CACNA2D3: variants seen among roughly 807,000 people sequenced by gnomAD.
The protein encoded by CACNA2D3 is calcium voltage-gated channel auxiliary subunit alpha2delta 3.
Under a neutral mutation model 160.6 loss-of-function variants are expected in CACNA2D3, and 60 were observed. The observed-to-expected ratio is 0.37, with a 90% CI of 0.30 to 0.46. The LOEUF (loss-of-function observed/expected upper bound fraction) is 0.46, where lower values mean the gene tolerates loss of function less well. CACNA2D3 is among the 20% of genes least tolerant of loss of function. The pLI is 1.00. For missense variants in CACNA2D3, 1,205 were observed against 1,365.0 expected, an observed-to-expected ratio of 0.88 and a Z score of 1.85; for synonymous variants, 558 against 492.9, an observed-to-expected ratio of 1.13 and a Z score of -1.75.
intron 20 of CACNA2D3, among the ~76,000 whole-genome samples, chr3:54,879,796 T>C (rs995345114): frequency 2.6e-5 from 4 of 152,214 alleles, no homozygotes; most frequent in African/African-American, 9.6e-5. Flanking sequence ...AACCTGGAGG[T>C]GGCATATCCA....
At chr3:54,467,387 A>G (rs1293445313) in intron 4 of CACNA2D3, among the ~76,000 whole-genome samples, 2 of 152,228 alleles carry the variant, frequency 1.3e-5, no homozygotes, top group Non-Finnish European at 2.9e-5. Context: ...TGGAAAGGAC[A>G]CAGTAAAAGA....
intron 5 of CACNA2D3, among the ~76,000 whole-genome samples, chr3:54,520,262 C>T (rs1701624881): frequency 6.6e-6 from 1 of 152,216 alleles, no homozygotes; most frequent in African/African-American, 2.4e-5. Flanking sequence ...GTCAGAAGTA[C>T]TGGACCAGCA....
intron 9 of CACNA2D3, among the ~76,000 whole-genome samples, chr3:54,591,482 A>G (rs77795587): frequency 1.3e-5 from 2 of 151,444 alleles, no homozygotes; most frequent in East Asian, 2.0e-4. Flanking sequence ...GCCAGTGCCT[A>G]TGAGATAGAT....
At position 54,993,648 on chromosome 3, in the gene CACNA2D3, G is replaced by C. The variant is rs544962649; in HGVS notation, c.2690+5895G>C. 7.9e-5 allele frequency among the ~76,000 whole-genome samples: 12 copies of C among 152,156 alleles called. No homozygotes were observed. In the South Asian group the frequency reaches 2.5e-3, roughly 32 times the overall value. ...ATCCAGAACTTGAGGGTTTGCCCTGGGTTTTTTGCTTTTACCAACATACTT... is the reference window on the plus strand; with the variant it reads ...ATCCAGAACTTGAGGGTTTGCCCTGCGTTTTTTGCTTTTACCAACATACTT... On this transcript the variant is annotated intron_variant, in intron 31 of 37. Transcript: ENST00000474759.
Position 54,569,999 on chromosome 3 carries a change from T to C in CACNA2D3, c.783T>C (p.Val261=). 6.2e-7 allele frequency: 1 copy of C among 1,614,012 alleles called. No homozygotes were observed. The highest frequency in any genetic ancestry group is 8.5e-7 in the Non-Finnish European group (1 of 1,179,886). ...ATSPKDVVIL[V]DVSGSMKGLR... is the part of the protein sequence containing the mutation. ...CTCCGAAAGACGTGGTCATTTTAGTTGACGTCAGTGGCAGCATGAAAGGAC... is the reference window on the plus strand; with the variant it reads ...CTCCGAAAGACGTGGTCATTTTAGTCGACGTCAGTGGCAGCATGAAAGGAC... The change falls in exon 8 of 38, where the codon GTT becomes GTC. Residue 261 remains valine (V), a synonymous_variant. Coordinates refer to ENST00000474759, the MANE Select transcript of CACNA2D3 (RefSeq NM_018398.3).
At chr3:54,327,083 T>A (rs964325469) in intron 3 of CACNA2D3, among the ~76,000 whole-genome samples, 2 of 152,200 alleles carry the variant, frequency 1.3e-5, no homozygotes, top group African/African-American at 4.8e-5. Flanking sequence ...CAGTGAACCA[T>A]CTTTGGTTAA....
At chr3:54,788,209 GA>G (rs1702678274) in intron 13 of CACNA2D3, among the ~76,000 whole-genome samples, 1 of 152,196 alleles carries the variant, frequency 6.6e-6, no homozygotes, top group African/African-American at 2.4e-5. Flanking sequence ...ATAAGGGTTT[GA>G]AAACCTTTTA....
At chr3:55,014,775 A>G (rs1291244577) in intron 34 of CACNA2D3, among the ~76,000 whole-genome samples, 1 of 152,166 alleles carries the variant, frequency 6.6e-6, no homozygotes, top group Non-Finnish European at 1.5e-5. Flanking sequence ...GTAGATTGCA[A>G]GCAGCCTCAG....
intron 35 of CACNA2D3, among the ~76,000 whole-genome samples, chr3:55,053,525 A>G (rs2107209869): frequency 6.6e-6 from 1 of 152,008 alleles, no homozygotes. Context: ...CTGTTGTCAG[A>G]TTTCTCTCTA....
At chr3:54,881,834 C>T (rs186295092) in intron 21 of CACNA2D3, among the ~76,000 whole-genome samples, 93 of 152,338 alleles carry the variant, frequency 6.1e-4, no homozygotes, top group East Asian at 3.3e-3. Context: ...CCATCCATGG[C>T]GCCCTCAGAT....
intron 4 of CACNA2D3, among the ~76,000 whole-genome samples, chr3:54,431,495 G>A (rs528525351): frequency 4.6e-5 from 7 of 152,172 alleles, no homozygotes; most frequent in Non-Finnish European, 1.0e-4. Context: ...GCTGTCTTGG[G>A]TGTGGCAGAG....
At position 54,278,980 on chromosome 3, in the gene CACNA2D3, C is replaced by T. The variant is rs572515472; in HGVS notation, c.205-41462C>T. ...CACATGTATCCCAAAACATGTACCA[C>T]ACACACAAAAACACCAGTATTGACA... On this transcript the variant is annotated intron_variant, in intron 2 of 37. Transcript: ENST00000474759. Among the ~76,000 whole-genome samples, 11 of 152,294 alleles carry T rather than the reference C, an allele frequency of 7.2e-5. No homozygotes were observed. The South Asian group carries it at 2.3e-3, about 32-fold the overall frequency.
chr3:55,061,769 T>C (rs1353750681), intron 35 of CACNA2D3, among the ~76,000 whole-genome samples: 1 of 152,216 alleles, frequency 6.6e-6, no homozygotes, highest in Non-Finnish European at 1.5e-5. Flanking sequence ...TCAGTACCCA[T>C]CTCTGAACCC....
rs146504712 is a variant in CACNA2D3 at position 54,145,271 on chromosome 3, G to A, written c.204+21677G>A. Among the ~76,000 whole-genome samples, 118 of 152,312 alleles carry A rather than the reference G, an allele frequency of 7.7e-4. No homozygotes were observed. In the East Asian group the frequency reaches 0.018, roughly 23 times the overall value. ...AATTATGTAATGGGGTCTAAACCCC[G>A]GAGTAAATGGAGATATTTGCAGATG... On this transcript the variant is annotated intron_variant, in intron 2 of 37. Transcript: ENST00000474759.
intron 2 of CACNA2D3, among the ~76,000 whole-genome samples, chr3:54,258,342 GGTGACCCAA>G (rs1470535342): frequency 3.9e-5 from 6 of 152,136 alleles, no homozygotes; most frequent in African/African-American, 1.4e-4. Context: ...AGGTCCTGGG[GGTGACCCAA>G]GTAAATGAGA....
rs141777314 is a variant in CACNA2D3 at position 54,270,851 on chromosome 3, C to T, written c.205-49591C>T. On this transcript the variant is annotated intron_variant, in intron 2 of 37. Transcript: ENST00000474759. Reference sequence around the variant, plus strand: ...CCCTCATTCCTTTTGACACAGCCTGCATCCATCTTCAAAACAGTGCACTGA... The same window carrying T: ...CCCTCATTCCTTTTGACACAGCCTGTATCCATCTTCAAAACAGTGCACTGA... Among the ~76,000 whole-genome samples, 484 of 152,364 alleles carry T rather than the reference C, an allele frequency of 3.2e-3. 1 individual carries two copies. The highest frequency in any genetic ancestry group is 0.014 in the Middle Eastern group (4 of 294).
intron 4 of CACNA2D3, among the ~76,000 whole-genome samples, chr3:54,407,179 T>G (rs961880543): frequency 6.6e-6 from 1 of 152,120 alleles, no homozygotes; most frequent in African/African-American, 2.4e-5. Flanking sequence ...GAGTAAGGTG[T>G]TGAGCTTCTA....
At chr3:54,960,275 C>T (rs1350532234) in intron 27 of CACNA2D3, among the ~76,000 whole-genome samples, 2 of 152,012 alleles carry the variant, frequency 1.3e-5, no homozygotes, top group Non-Finnish European at 1.5e-5. Flanking sequence ...TCTCCTCCCT[C>T]TCTCTCACCA....
chr3:54,552,732 A>G (rs886497871), intron 5 of CACNA2D3, among the ~76,000 whole-genome samples: 3 of 152,108 alleles, frequency 2.0e-5, no homozygotes, highest in African/African-American at 4.8e-5. Context: ...CTGTGATACA[A>G]TTTTCTTCTT....
Sources: gnomAD v4.1 joint callset for allele counts (sites outside exome capture counted in the v4.1 genomes callset) on GRCh38, gnomAD v4.1.1 for gene constraint, MANE v1.5 for transcripts, NCBI Gene and HGNC (gene_info 2026-07-23, HGNC 2026-07-21) for gene names.